HS3ST5: variants seen among roughly 807,000 people sequenced by gnomAD.
HS3ST5 encodes heparan sulfate-glucosamine 3-sulfotransferase 5, also known as heparan sulfate glucosamine 3-O-sulfotransferase 5.
In HS3ST5, 10 loss-of-function variants were observed where a neutral mutation model predicts 25.4. That is an observed-to-expected ratio of 0.39 (90% confidence interval 0.24 to 0.67). The LOEUF is 0.67. Ranked by LOEUF, HS3ST5 falls within the 30% of genes least tolerant of loss-of-function variation. The pLI is 0.44. For synonymous variants in HS3ST5, 170 were observed against 162.4 expected (o/e 1.05, Z -0.36); for missense variants, 324 against 420.7 (o/e 0.77, Z 2.01).
intron 2 of HS3ST5, among the ~76,000 whole-genome samples, chr6:114,209,512 C>T (rs1165368478): frequency 2.0e-5 from 3 of 151,956 alleles, no homozygotes; most frequent in African/African-American, 7.3e-5. Flanking sequence ...TATCTTCTCA[C>T]CAACTCATTA....
At chr6:114,128,859 G>A in intron 3 of HS3ST5, among the ~76,000 whole-genome samples, 1 of 152,176 alleles carries the variant, frequency 6.6e-6, no homozygotes, top group East Asian at 1.9e-4. Context: ...ACCCTTAGTT[G>A]TTAAAAATAT....
rs1772809876 is a variant in HS3ST5 at position 114,057,079 on chromosome 6, T to C, written c.*178A>G. ...ACTATGCAGACAGCAATTTTTTTTT[T>C]TTCGTAAATTTTCAGTAGAAAAAGA... On this transcript the variant is annotated 3_prime_UTR_variant, in exon 5 of 5. Transcript: ENST00000312719. The C allele has an allele frequency of 1.9e-6, 1 of 525,026 alleles. No individual in the cohort carries two copies. The highest frequency in any genetic ancestry group is 3.3e-6 in the Non-Finnish European group (1 of 304,448). 32.5% of individuals were successfully genotyped at this position (525,026 alleles called of 1,614,324 possible). A position where few individuals can be genotyped will look rare whatever the true frequency, so the allele number is the denominator to read the frequency against.
chr6:114,204,300 T>C (rs1433607734), intron 2 of HS3ST5, among the ~76,000 whole-genome samples: 2 of 152,192 alleles, frequency 1.3e-5, no homozygotes, highest in Admixed American at 6.5e-5. Flanking sequence ...CAGTTCAGCA[T>C]GTCAAAATGC....
At chr6:114,299,207 G>T (rs1322577584) in intron 1 of HS3ST5, among the ~76,000 whole-genome samples, 2 of 152,194 alleles carry the variant, frequency 1.3e-5, no homozygotes, top group African/African-American at 2.4e-5. Context: ...GAAACTGTAG[G>T]GATGAAATAA....
At chr6:114,126,625 A>G (rs748876952) in intron 3 of HS3ST5, among the ~76,000 whole-genome samples, 1 of 152,224 alleles carries the variant, frequency 6.6e-6, no homozygotes, top group Non-Finnish European at 1.5e-5. Flanking sequence ...AGCAGGTTCA[A>G]TAAGTGGCTG....
intron 1 of HS3ST5, among the ~76,000 whole-genome samples, chr6:114,332,952 C>A (rs940907879): frequency 2.6e-5 from 4 of 152,050 alleles, no homozygotes; most frequent in African/African-American, 4.8e-5. Context: ...GAGTCCCAGG[C>A]TGGTCCACTG....
intron 3 of HS3ST5, among the ~76,000 whole-genome samples, chr6:114,147,335 G>A (rs976205479): frequency 6.6e-6 from 1 of 152,168 alleles, no homozygotes; most frequent in Admixed American, 6.5e-5. Flanking sequence ...AATTCTCACT[G>A]ATAGAACGTG....
intron 2 of HS3ST5, among the ~76,000 whole-genome samples, chr6:114,219,062 G>A (rs1484833692): frequency 1.3e-5 from 2 of 152,196 alleles, no homozygotes; most frequent in Non-Finnish European, 2.9e-5. Flanking sequence ...CTTTCCCACA[G>A]CAATTTAGTA....
At chr6:114,283,085 A>G (rs141400996) in intron 1 of HS3ST5, among the ~76,000 whole-genome samples, 1 of 152,086 alleles carries the variant, frequency 6.6e-6, no homozygotes, top group African/African-American at 2.4e-5. Context: ...GAAAGACAGT[A>G]GAGAGGGCAG....
At chr6:114,336,134 A>G (rs1776601819) in intron 1 of HS3ST5, among the ~76,000 whole-genome samples, 1 of 152,210 alleles carries the variant, frequency 6.6e-6, no homozygotes, top group Non-Finnish European at 1.5e-5. Context: ...TGTTGTGCCC[A>G]TTATGTTTAA....
At chr6:114,111,456 G>C (rs977164194) in intron 3 of HS3ST5, among the ~76,000 whole-genome samples, 1 of 152,112 alleles carries the variant, frequency 6.6e-6, no homozygotes, top group African/African-American at 2.4e-5. Context: ...CCATTTAGTA[G>C]TCCCCAAACA....
chr6:114,286,758 A>G (rs1045896546), intron 1 of HS3ST5, among the ~76,000 whole-genome samples: 1 of 151,972 alleles, frequency 6.6e-6, no homozygotes, highest in African/African-American at 2.4e-5. Context: ...TTAGAACGAA[A>G]TAAGTAATTA....
intron 3 of HS3ST5, among the ~76,000 whole-genome samples, chr6:114,103,677 A>G (rs1057138758): frequency 2.0e-5 from 3 of 146,796 alleles, no homozygotes; most frequent in Admixed American, 2.0e-4. Flanking sequence ...TTATTGTTCT[A>G]ATTTTCTTTC....
At chr6:114,154,065 G>A (rs1778584157) in intron 3 of HS3ST5, among the ~76,000 whole-genome samples, 1 of 152,164 alleles carries the variant, frequency 6.6e-6, no homozygotes, top group Non-Finnish European at 1.5e-5. Context: ...GTGGGCAGAA[G>A]CAAAGGCAAA....
At chr6:114,267,999 T>G (rs1441373998) in intron 1 of HS3ST5, among the ~76,000 whole-genome samples, 2 of 152,194 alleles carry the variant, frequency 1.3e-5, no homozygotes, top group African/African-American at 2.4e-5. Context: ...AGATATGCAT[T>G]CGCAACATTA....
At chr6:114,317,260 C>T (rs1329050262) in intron 1 of HS3ST5, among the ~76,000 whole-genome samples, 1 of 152,076 alleles carries the variant, frequency 6.6e-6, no homozygotes, top group Non-Finnish European at 1.5e-5. Flanking sequence ...ATATATAGGT[C>T]AATCTTGGAG....
chr6:114,173,884 C>T (rs191620994), intron 2 of HS3ST5, among the ~76,000 whole-genome samples: 1 of 152,002 alleles, frequency 6.6e-6, no homozygotes, highest in Admixed American at 6.6e-5. Context: ...AAAACAAAAA[C>T]AAGCAAACCA....
intron 1 of HS3ST5, among the ~76,000 whole-genome samples, chr6:114,294,573 G>A (rs1311645100): frequency 6.6e-6 from 1 of 151,614 alleles, no homozygotes; most frequent in Non-Finnish European, 1.5e-5. Context: ...AGCCTCCCGA[G>A]TAGCTGGGAC....
intron 1 of HS3ST5, chr6:114,239,157 A>G (rs1247192001): frequency 6.6e-6 from 1 of 152,230 alleles, no homozygotes; most frequent in African/African-American, 2.4e-5. Context: ...TTCTTGAGTG[A>G]CTTCAATTTG....
Sources: allele counts gnomAD v4.1 joint callset (sites outside exome capture counted in the v4.1 genomes callset), GRCh38; gene constraint gnomAD v4.1.1; transcripts MANE v1.5; gene names NCBI Gene and HGNC (gene_info 2026-07-23, HGNC 2026-07-21).